The following SYTL3 variants were observed in gnomAD, a reference collection of about 807,000 sequenced individuals.
SYTL3 encodes the protein synaptotagmin like 3.
In SYTL3, 88 loss-of-function variants were observed where a neutral mutation model predicts 82.1. The observed-to-expected ratio is 1.07, with a 90% CI of 0.90 to 1.28. SYTL3 has a LOEUF of 1.28. Ranked by LOEUF, SYTL3 falls within the 50% of genes most tolerant of loss-of-function variation. The pLI is 0.00. For synonymous variants in SYTL3, 311 were observed against 289.4 expected (o/e 1.07, Z -0.76); for missense variants, 831 against 757.6 (o/e 1.10, Z -1.14).
At chr6:158,750,260 G>T in intron 12 of SYTL3, among the ~76,000 whole-genome samples, 1 of 152,162 alleles carries the variant, frequency 6.6e-6, no homozygotes, top group East Asian at 1.9e-4. Flanking sequence ...AACCAAGGGG[G>T]TGATAAATAT....
At chr6:158,741,334 G>A (rs562256026) in intron 11 of SYTL3, among the ~76,000 whole-genome samples, 12 of 152,212 alleles carry the variant, frequency 7.9e-5, no homozygotes, top group South Asian at 2.1e-4. Flanking sequence ...CTCCCAAAGT[G>A]CTGGGACTAC....
At chr6:158,708,595 C>G (rs1782386525) in intron 8 of SYTL3, among the ~76,000 whole-genome samples, 1 of 152,190 alleles carries the variant, frequency 6.6e-6, no homozygotes, top group Non-Finnish European at 1.5e-5. Flanking sequence ...TCGCGGGACC[C>G]TCTGTGTCAT....
chr6:158,723,902 G>A (rs754355518), intron 10 of SYTL3, among the ~76,000 whole-genome samples: 2 of 152,136 alleles, frequency 1.3e-5, no homozygotes, highest in Non-Finnish European at 2.9e-5. Context: ...CTATGTGTTT[G>A]TGATCTGTGT....
At chr6:158,746,453 A>ATTATTATTATTAT (rs1554263746) in intron 12 of SYTL3, among the ~76,000 whole-genome samples, 10,377 of 99,122 alleles carry the variant, frequency 0.1, 436 homozygotes, top group South Asian at 0.16. Context: ...AATAATAATA[A>ATTATTATTATTAT]TAATAATATT....
Position 158,672,328 on chromosome 6 carries a change from G to A in SYTL3, c.329+6715G>A, listed in dbSNP as rs149652067. The stretch of plus-strand genomic sequence containing the variant: ...TCCCCAGGAGAGGACTGTGAGTGGT[G>A]TATTTTCCACGTCATTGCGTATTTG... On this transcript the variant is annotated intron_variant, in intron 5 of 17. Transcript: ENST00000611299. Among the ~76,000 whole-genome samples, 7 of 152,266 alleles carry A rather than the reference G, an allele frequency of 4.6e-5. No individual in the cohort carries two copies. The East Asian group carries it at 1.4e-3, about 29-fold the overall frequency.
intron 11 of SYTL3, among the ~76,000 whole-genome samples, chr6:158,742,135 A>G (rs976420422): frequency 5.3e-5 from 8 of 152,260 alleles, no homozygotes; most frequent in Non-Finnish European, 1.0e-4. Context: ...CATCATTTCC[A>G]TAGTCTAAAA....
intron 2 of SYTL3, among the ~76,000 whole-genome samples, chr6:158,660,213 C>T (rs529518588): frequency 9.1e-4 from 139 of 152,106 alleles, no homozygotes; most frequent in African/African-American, 3.2e-3. Flanking sequence ...TGCAGTGAGC[C>T]GAGATCGCAC....
intron 2 of SYTL3, among the ~76,000 whole-genome samples, chr6:158,659,842 G>C (rs1218222986): frequency 6.6e-6 from 1 of 152,158 alleles, no homozygotes; most frequent in East Asian, 1.9e-4. Flanking sequence ...AGAATTATCA[G>C]TCCTTTTTCA....
At chr6:158,698,758 T>C (rs1780832655) in intron 6 of SYTL3, among the ~76,000 whole-genome samples, 1 of 152,234 alleles carries the variant, frequency 6.6e-6, no homozygotes, top group Non-Finnish European at 1.5e-5. Context: ...TTATGTCAGA[T>C]ACAGCAAAGT....
intron 11 of SYTL3, among the ~76,000 whole-genome samples, chr6:158,727,869 C>T (rs1169826582): frequency 4.0e-5 from 6 of 151,856 alleles, no homozygotes; most frequent in Non-Finnish European, 8.8e-5. Flanking sequence ...TTGATATGTG[C>T]GGCATGGTTA....
chr6:158,706,367 C>G (rs891097754), intron 6 of SYTL3, among the ~76,000 whole-genome samples: 1 of 152,196 alleles, frequency 6.6e-6, no homozygotes, highest in African/African-American at 2.4e-5. Flanking sequence ...GCCAGCCCAT[C>G]TGATTTTCTT....
intron 11 of SYTL3, among the ~76,000 whole-genome samples, chr6:158,739,700 G>T (rs551604844): frequency 1.8e-4 from 27 of 152,100 alleles, no homozygotes; most frequent in Admixed American, 1.4e-3. Flanking sequence ...GGCTTAGCAG[G>T]AGCACCCACT....
intron 10 of SYTL3, among the ~76,000 whole-genome samples, chr6:158,719,617 G>A (rs1179683170): frequency 6.6e-6 from 1 of 152,164 alleles, no homozygotes; most frequent in Non-Finnish European, 1.5e-5. Context: ...GCTTCCCGGG[G>A]TCTACAGAAG....
intron 9 of SYTL3, among the ~76,000 whole-genome samples, chr6:158,715,827 G>A (rs1318831721): frequency 6.6e-6 from 1 of 152,082 alleles, no homozygotes; most frequent in African/African-American, 2.4e-5. Context: ...TCCTGTAGGC[G>A]CTGACTCCTA....
chr6:158,693,855 C>CTTTTCTT (rs71030191), intron 6 of SYTL3, among the ~76,000 whole-genome samples: 57 of 96,860 alleles, frequency 5.9e-4, no homozygotes, highest in African/African-American at 1.9e-3. Flanking sequence ...TTTTTCTTTT[C>CTTTTCTT]TTTTTTTTTT....
At chr6:158,728,350 GAAA>G (rs903698021) in intron 11 of SYTL3, among the ~76,000 whole-genome samples, 1 of 146,986 alleles carries the variant, frequency 6.8e-6, no homozygotes, top group Non-Finnish European at 1.5e-5. Flanking sequence ...AAAAAAAAAA[GAAA>G]AAAAAAGACT....
At chr6:158,733,616 C>T (rs962430784) in intron 11 of SYTL3, among the ~76,000 whole-genome samples, 20 of 151,828 alleles carry the variant, frequency 1.3e-4, no homozygotes, top group African/African-American at 3.4e-4. Context: ...CGTGAGCCAC[C>T]GTGCCCGGCC....
rs1789270184 is a variant in SYTL3 at position 158,757,381 on chromosome 6, G to A, written c.1308G>A (p.Lys436=). 6.2e-7 allele frequency: 1 copy of A among 1,613,784 alleles called. No individual in the cohort carries two copies. Among genetic ancestry groups the A allele is most frequent in the Non-Finnish European group, 8.5e-7 (1 of 1,179,856 alleles). Residue 436 remains lysine (K), a splice_region_variant and synonymous_variant, in exon 14 of 18, where the codon AAG becomes AAA. Coordinates refer to ENST00000611299, the MANE Select transcript of SYTL3 (RefSeq NM_001242394.2). The part of the protein sequence containing the change: ...QSFRWHPLRA[K]AEKYEDSVPQ... ...TCCGCTGGCATCCGCTCCGGGCCAAGGTGATGTCTGGTTTTGGACTGAGTG... is the reference window on the plus strand; with the variant it reads ...TCCGCTGGCATCCGCTCCGGGCCAAAGTGATGTCTGGTTTTGGACTGAGTG...
intron 2 of SYTL3, among the ~76,000 whole-genome samples, chr6:158,652,341 C>T (rs182581035): frequency 1.9e-4 from 29 of 152,182 alleles, no homozygotes; most frequent in African/African-American, 6.5e-4. Flanking sequence ...CTCTGCCTCC[C>T]GGGTTAACAC....
Sources: gnomAD v4.1 joint callset for allele counts (sites outside exome capture counted in the v4.1 genomes callset) on GRCh38, gnomAD v4.1.1 for gene constraint, MANE v1.5 for transcripts, NCBI Gene and HGNC (gene_info 2026-07-23, HGNC 2026-07-21) for gene names.